H2AZ2: variants seen among roughly 807,000 people sequenced by gnomAD.
H2AZ2 encodes H2A.Z variant histone 2.
H2AZ2 carries 5 observed loss-of-function variants against 15.5 expected under a neutral mutation model. That is an observed-to-expected ratio of 0.32 (90% CI 0.17 to 0.68). The LOEUF (loss-of-function observed/expected upper bound fraction) is 0.68, where lower values mean the gene tolerates loss of function less well. Among genes scored for constraint, H2AZ2 ranks in the 30% least tolerant of loss-of-function variants. The probability of loss-of-function intolerance (pLI) is 0.72; values close to 1 mark genes in which losing one functional copy is unlikely to be tolerated. For missense variants in H2AZ2, 42 were observed against 162.5 expected (o/e 0.26, Z 4.03); for synonymous variants, 44 against 57.4 (o/e 0.77, Z 1.05).
At chr7:44,835,765 T>C (rs1793104628) in intron 3 of H2AZ2, 107 bp from the exon 4 acceptor site, 15 of 941,716 alleles carry the variant, frequency 1.6e-5, no homozygotes, top group Non-Finnish European at 2.1e-5. Flanking sequence ...CATAAACTGA[T>C]AATATATTTT....
chr7:44,847,887 C>A, intron 1 of H2AZ2, 82 bp downstream of exon 1: 1 of 1,526,012 alleles, frequency 6.6e-7, no homozygotes, highest in Non-Finnish European at 8.7e-7. Context: ...CTCCCGACTC[C>A]ACAGGTAGCG....
downstream of H2AZ2, chr7:44,830,180 G>T: frequency 6.2e-7 from 1 of 1,612,172 alleles, no homozygotes; most frequent in South Asian, 1.1e-5. Context: ...AGAAATAACA[G>T]GACAAATAGA....
At chr7:44,840,783 C>A (rs1436249600) in intron 3 of H2AZ2, 116 bp downstream of exon 3, 3 of 662,366 alleles carry the variant, frequency 4.5e-6, no homozygotes, top group East Asian at 3.0e-5. Flanking sequence ...AACAAACAAA[C>A]AAAAAAGCCC....
chr7:44,846,170 C>T (rs75277088), intron 1 of H2AZ2, among the ~76,000 whole-genome samples: 387 of 152,194 alleles, frequency 2.5e-3, no homozygotes, highest in African/African-American at 8.7e-3. Flanking sequence ...TTTTAACAGA[C>T]ATCTGCTTAC....
intron 3 of H2AZ2, among the ~76,000 whole-genome samples, chr7:44,839,698 A>G (rs1359446519): frequency 6.6e-6 from 1 of 151,182 alleles, no homozygotes; most frequent in East Asian, 2.0e-4. Context: ...AAATAAATAA[A>G]TAAAATAAAA....
Position 44,834,274 on chromosome 7 carries a change from A to G in H2AZ2, c.*227T>C. 1 of 1,267,870 alleles carries G rather than the reference A, an allele frequency of 7.9e-7. No homozygotes were observed. The highest frequency in any genetic ancestry group is 1.0e-6 in the Non-Finnish European group (1 of 1,004,598). 78.5% of individuals were successfully genotyped at this position (1,267,870 alleles called of 1,614,324 possible). ...TATCAATTCCATTTTTGTATAAAAC[A>G]CACGGGAGAAACCTAGCCAATCAAC... On this transcript the variant is annotated 3_prime_UTR_variant, in exon 5 of 5. Transcript: ENST00000308153.
rs188746875 is a variant in H2AZ2 at position 44,833,822 on chromosome 7, G to T, written c.*679C>A. The T allele has an allele frequency of 2.9e-4, 120 of 407,074 alleles. 1 individual carries two copies. Among genetic ancestry groups the T allele is most frequent in the African/African-American group, 2.4e-3 (111 of 46,172 alleles). 25.2% of individuals were successfully genotyped at this position (407,074 alleles called of 1,614,324 possible). ...AGCACACAATTTCTGTGACCCTTAG[G>T]CTCCACATCTATAATGTGGCAGCAA... On this transcript the variant is annotated 3_prime_UTR_variant, in exon 5 of 5. Transcript: ENST00000308153.
At chr7:44,842,721 A>G (rs564882436) in intron 2 of H2AZ2, among the ~76,000 whole-genome samples, 2 of 152,202 alleles carry the variant, frequency 1.3e-5, no homozygotes, top group Non-Finnish European at 2.9e-5. Flanking sequence ...CAGAATGTGC[A>G]TATCAGTTTA....
At chr7:44,836,035 C>T (rs1222732365) in intron 3 of H2AZ2, among the ~76,000 whole-genome samples, 1 of 147,612 alleles carries the variant, frequency 6.8e-6, no homozygotes, top group Admixed American at 6.9e-5. Flanking sequence ...TCTTGGCTCA[C>T]TGCAGCCTTG....
intron 2 of H2AZ2, among the ~76,000 whole-genome samples, chr7:44,842,632 T>G (rs1166615742): frequency 6.6e-6 from 1 of 152,198 alleles, no homozygotes; most frequent in East Asian, 1.9e-4. Context: ...AAACCTCCAT[T>G]GGCCTTCCAT....
Position 44,840,880 on chromosome 7 carries a change from C to T in H2AZ2, c.195+19G>A, listed in dbSNP as rs777006443. On this transcript the variant is annotated intron_variant, in intron 3 of 4. Transcript: ENST00000308153. The stretch of plus-strand genomic sequence containing the variant: ...GCACCTTCTGGATGGCCATATACAA[C>T]AGACATTCCTGTACAAACCTCTGCA... 25 of 1,569,992 alleles carry T rather than the reference C, an allele frequency of 1.6e-5. 1 individual carries two copies. In the Middle Eastern group the frequency reaches 6.7e-4, roughly 42 times the overall value.
Position 44,843,259 on chromosome 7 carries a change from A to G in H2AZ2, c.81+18T>C, listed in dbSNP as rs967990333. The G allele has an allele frequency of 6.5e-7, 1 of 1,547,074 alleles. No individual in the cohort carries two copies. The highest frequency in any genetic ancestry group is 8.8e-7 in the Non-Finnish European group (1 of 1,135,970). On this transcript the variant is annotated intron_variant, in intron 2 of 4. Transcript: ENST00000308153. ...CAGTAAAGAAAATAATAATGTAATGACAGCATGGATTCATTACCTGTAGCC... is the reference window on the plus strand; with the variant it reads ...CAGTAAAGAAAATAATAATGTAATGGCAGCATGGATTCATTACCTGTAGCC...
At chr7:44,829,858 G>C (rs1181369032), downstream of H2AZ2, 5 of 306,168 alleles carry the variant, frequency 1.6e-5, no homozygotes, top group Admixed American at 4.9e-5. Flanking sequence ...GACCAACACT[G>C]CAGCAACACA....
At chr7:44,838,310 AAAT>A (rs1344204706) in intron 3 of H2AZ2, among the ~76,000 whole-genome samples, 10 of 151,940 alleles carry the variant, frequency 6.6e-5, no homozygotes, top group African/African-American at 2.4e-4. Context: ...AAAAGTTTTA[AAAT>A]GTATTTTAAT....
intron 3 of H2AZ2, among the ~76,000 whole-genome samples, chr7:44,836,434 CA>C (rs1793125168): frequency 6.6e-6 from 1 of 152,152 alleles, no homozygotes; most frequent in Non-Finnish European, 1.5e-5. Flanking sequence ...CCCTTGGCCT[CA>C]AGTGATCTTC....
chr7:44,833,054 AT>A lies in H2AZ2; in HGVS notation c.*1446del, dbSNP rs919262797. Among the ~76,000 whole-genome samples, 25 of 148,846 alleles carry A rather than the reference AT, an allele frequency of 1.7e-4. No individual in the cohort carries two copies. Among genetic ancestry groups the A allele is most frequent in the South Asian group, 2.1e-4 (1 of 4,670 alleles). On this transcript the variant is annotated 3_prime_UTR_variant, in exon 5 of 5. Transcript: ENST00000308153. ...GACTAAGAGACTACTAAAAGTTGGG[AT>A]TTTTTTTTTTGAGACAGAGTCACAC...
chr7:44,839,473 G>A (rs1431342372), intron 3 of H2AZ2, among the ~76,000 whole-genome samples: 5 of 151,126 alleles, frequency 3.3e-5, no homozygotes, highest in African/African-American at 7.3e-5. Context: ...TCAGGAGATC[G>A]AGACCATCCT....
chr7:44,846,062 C>CACACACACACAGAG (rs57468916), intron 1 of H2AZ2, among the ~76,000 whole-genome samples: 11 of 75,056 alleles, frequency 1.5e-4, no homozygotes, highest in East Asian at 6.6e-4. Context: ...CACACACACA[C>CACACACACACAGAG]AGAGAGAGAC....
At chr7:44,839,493 G>A (rs1469515300) in intron 3 of H2AZ2, among the ~76,000 whole-genome samples, 4 of 151,606 alleles carry the variant, frequency 2.6e-5, no homozygotes, top group Non-Finnish European at 4.4e-5. Context: ...TGGCTACCAC[G>A]GTGAAACCCC....
Sources: allele counts gnomAD v4.1 joint callset (sites outside exome capture counted in the v4.1 genomes callset), GRCh38; gene constraint gnomAD v4.1.1; transcripts MANE v1.5; gene names NCBI Gene and HGNC (gene_info 2026-07-23, HGNC 2026-07-21).